KCNAB1: variants seen among roughly 807,000 people sequenced by gnomAD.
KCNAB1 encodes the protein potassium voltage-gated channel subfamily A regulatory beta subunit 1, also known as voltage-gated potassium channel subunit beta-1.
A neutral mutation model predicts 64.6 loss-of-function variants in KCNAB1; 35 were observed. That is an observed-to-expected ratio of 0.54 (90% CI 0.41 to 0.72). The LOEUF is 0.72. Among genes scored for constraint, KCNAB1 ranks in the 30% least tolerant of loss-of-function variants. KCNAB1 has a pLI of 0.00. For missense variants in KCNAB1, 401 were observed against 512.9 expected (o/e 0.78, Z 2.11); for synonymous variants, 177 against 183.8 (o/e 0.96, Z 0.30).
chr3:156,445,132 A>C (rs990467507), intron 2 of KCNAB1, among the ~76,000 whole-genome samples: 4 of 152,058 alleles, frequency 2.6e-5, no homozygotes, highest in Admixed American at 2.6e-4. Context: ...CTTGTCTCTA[A>C]TAAAAATACA....
chr3:156,188,599 G>A (rs943260259), intron 1 of KCNAB1, among the ~76,000 whole-genome samples: 14 of 152,180 alleles, frequency 9.2e-5, no homozygotes, highest in African/African-American at 3.4e-4. Flanking sequence ...CAGTTTGTTA[G>A]CATACGCTTT....
intron 1 of KCNAB1, among the ~76,000 whole-genome samples, chr3:156,221,663 A>C (rs1370093582): frequency 6.6e-6 from 1 of 152,046 alleles, no homozygotes; most frequent in Non-Finnish European, 1.5e-5. Flanking sequence ...CTGTAATCAC[A>C]GCTACTTGGG....
chr3:156,122,349 C>T (rs113975687), intron 1 of KCNAB1, among the ~76,000 whole-genome samples: 2,798 of 152,192 alleles, frequency 0.018, 83 homozygotes, highest in African/African-American at 0.064. Context: ...GGTTTTCTTC[C>T]GTAACATTTT....
At chr3:156,388,096 T>C (rs1285663146) in intron 1 of KCNAB1, among the ~76,000 whole-genome samples, 1 of 152,186 alleles carries the variant, frequency 6.6e-6, no homozygotes, top group African/African-American at 2.4e-5. Context: ...AAAAGTCTGG[T>C]CAATTTGTTC....
At position 156,187,385 on chromosome 3, in the gene KCNAB1, T is replaced by C. The variant is rs187881408; in HGVS notation, c.275+66499T>C. 2.0e-5 allele frequency among the ~76,000 whole-genome samples: 3 copies of C among 152,338 alleles called. No individual in the cohort carries two copies. The East Asian group carries it at 5.8e-4, about 29-fold the overall frequency. On this transcript the variant is annotated intron_variant, in intron 1 of 13. Coordinates refer to ENST00000490337, the MANE Select transcript of KCNAB1 (RefSeq NM_172160.3). ...CTGACTGCCACATCCATATTATCAT[T>C]TTTACATATCTGTGAACTGGATAAT...
chr3:156,268,496 T>G (rs1486669101), intron 1 of KCNAB1, among the ~76,000 whole-genome samples: 1 of 152,154 alleles, frequency 6.6e-6, no homozygotes, highest in African/African-American at 2.4e-5. Context: ...CCAACAGTTA[T>G]AGGGGTTTCC....
intron 1 of KCNAB1, among the ~76,000 whole-genome samples, chr3:156,333,764 A>C (rs1723500935): frequency 6.6e-6 from 1 of 152,186 alleles, no homozygotes; most frequent in Non-Finnish European, 1.5e-5. Context: ...GAGAATGCCT[A>C]TTTGCCACAC....
chr3:156,235,494 C>T (rs368801120), intron 1 of KCNAB1, among the ~76,000 whole-genome samples: 6 of 152,180 alleles, frequency 3.9e-5, no homozygotes, highest in African/African-American at 1.2e-4. Context: ...CATTCAGCTT[C>T]CCTGGGTGAC....
At chr3:156,119,386 G>T (rs1247967411), upstream of KCNAB1, among the ~76,000 whole-genome samples, 1 of 152,200 alleles carries the variant, frequency 6.6e-6, no homozygotes, top group Admixed American at 6.5e-5. Flanking sequence ...TGGCAGAGGA[G>T]GCCTTATGAC....
intron 1 of KCNAB1, among the ~76,000 whole-genome samples, chr3:156,311,013 T>C (rs6441056): frequency 0.15 from 23,448 of 152,034 alleles, 4,908 homozygotes; most frequent in African/African-American, 0.48. Context: ...GGATCAACAC[T>C]ATAAGCAGGT....
At chr3:156,403,892 T>TAAACAAAAAAAAAAAAAAAAA in intron 1 of KCNAB1, among the ~76,000 whole-genome samples, 1 of 136,844 alleles carries the variant, frequency 7.3e-6, no homozygotes, top group Non-Finnish European at 1.6e-5. Flanking sequence ...AGACTCTGCC[T>TAAACAAAAAAAAAAAAAAAAA]AAAAAAAAAA....
intron 1 of KCNAB1, among the ~76,000 whole-genome samples, chr3:156,281,022 A>G (rs1276282649): frequency 2.0e-5 from 3 of 151,420 alleles, no homozygotes; most frequent in Non-Finnish European, 4.4e-5. Flanking sequence ...GTGGTGAGAG[A>G]GGACATCCCT....
At chr3:156,514,013 G>A (rs1717392001) in intron 8 of KCNAB1, among the ~76,000 whole-genome samples, 1 of 152,090 alleles carries the variant, frequency 6.6e-6, no homozygotes, top group African/African-American at 2.4e-5. Context: ...CACTTTAGTC[G>A]GGAAGGTACT....
At chr3:156,520,543 C>G (rs1453295123) in intron 11 of KCNAB1, among the ~76,000 whole-genome samples, 1 of 152,134 alleles carries the variant, frequency 6.6e-6, no homozygotes, top group East Asian at 1.9e-4. Flanking sequence ...ATGCCACTTC[C>G]CTCCAGCCTG....
chr3:156,398,856 C>T (rs1394683271), intron 1 of KCNAB1, among the ~76,000 whole-genome samples: 1 of 152,104 alleles, frequency 6.6e-6, no homozygotes. Flanking sequence ...GGAGCATATC[C>T]ATCCTATTTT....
chr3:156,176,753 A>G (rs1457650995), intron 1 of KCNAB1: 2 of 911,470 alleles, frequency 2.2e-6, no homozygotes, highest in African/African-American at 3.3e-5. Flanking sequence ...GAAGGGAGGA[A>G]CACCTCGGAG....
At chr3:156,353,899 A>G (rs1725024514) in intron 1 of KCNAB1, among the ~76,000 whole-genome samples, 1 of 152,136 alleles carries the variant, frequency 6.6e-6, no homozygotes, top group Non-Finnish European at 1.5e-5. Flanking sequence ...CTCAAAGGGA[A>G]GGGGTTACAA....
intron 1 of KCNAB1, among the ~76,000 whole-genome samples, chr3:156,337,654 G>A (rs1393602867): frequency 9.9e-5 from 15 of 152,184 alleles, no homozygotes; most frequent in Non-Finnish European, 1.5e-4. Context: ...AAATCACAGT[G>A]AATGTAAAGA....
At chr3:156,220,517 T>C (rs1715647334) in intron 1 of KCNAB1, among the ~76,000 whole-genome samples, 1 of 152,360 alleles carries the variant, frequency 6.6e-6, no homozygotes, top group East Asian at 1.9e-4. Flanking sequence ...AAATGTCTTC[T>C]TTTGAGAAGT....
Sources: gnomAD v4.1 joint callset for allele counts (sites outside exome capture counted in the v4.1 genomes callset) on GRCh38, gnomAD v4.1.1 for gene constraint, MANE v1.5 for transcripts, NCBI Gene and HGNC (gene_info 2026-07-23, HGNC 2026-07-21) for gene names.